The following ZNF704 variants were observed in gnomAD, a reference collection of about 807,000 sequenced individuals.
The protein encoded by ZNF704 is zinc finger protein 704, also known as glucocorticoid induced gene 1.
A neutral mutation model predicts 44.7 loss-of-function variants in ZNF704; 10 were observed. The observed-to-expected ratio is 0.22, with a 90% CI of 0.14 to 0.38. The LOEUF is 0.38. Ranked by LOEUF, ZNF704 falls within the 10% of genes least tolerant of loss-of-function variation. The probability of loss-of-function intolerance (pLI) is 1.00; values close to 1 mark genes in which losing one functional copy is unlikely to be tolerated. For missense variants in ZNF704, 390 were observed against 545.5 expected (o/e 0.71, Z 2.84); for synonymous variants, 211 against 207.6 (o/e 1.02, Z -0.14).
intron 4 of ZNF704, among the ~76,000 whole-genome samples, chr8:80,670,837 T>C (rs1818266856): frequency 6.6e-6 from 1 of 152,224 alleles, no homozygotes; most frequent in African/African-American, 2.4e-5. Context: ...TTTCAGATCA[T>C]GTTCATGAAG....
intron 2 of ZNF704, among the ~76,000 whole-genome samples, chr8:80,817,678 C>T (rs918368004): frequency 5.3e-5 from 8 of 152,152 alleles, no homozygotes; most frequent in African/African-American, 1.7e-4. Context: ...AATTGGTTCT[C>T]AAATATTGGG....
At chr8:80,811,670 C>A (rs1808085016) in intron 2 of ZNF704, among the ~76,000 whole-genome samples, 1 of 152,222 alleles carries the variant, frequency 6.6e-6, no homozygotes, top group African/African-American at 2.4e-5. Context: ...CAAAAAAAGG[C>A]ACTGTACAGT....
At chr8:80,847,657 C>A (rs556658267) in intron 1 of ZNF704, among the ~76,000 whole-genome samples, 211 of 152,096 alleles carry the variant, frequency 1.4e-3, no homozygotes, top group Non-Finnish European at 2.5e-3. Flanking sequence ...TAGAAATAGA[C>A]CCACACAAAT....
intron 2 of ZNF704, among the ~76,000 whole-genome samples, chr8:80,797,343 T>C (rs951385685): frequency 1.3e-5 from 2 of 152,178 alleles, no homozygotes; most frequent in African/African-American, 4.8e-5. Context: ...CTGCTTGGCA[T>C]TGCCCTAGTA....
intron 2 of ZNF704, among the ~76,000 whole-genome samples, chr8:80,728,094 A>T (rs2066951281): frequency 6.6e-6 from 1 of 152,220 alleles, no homozygotes; most frequent in African/African-American, 2.4e-5. Flanking sequence ...TATAGTAATC[A>T]TTATCATTTA....
chr8:80,699,875 G>A (rs150621036), intron 2 of ZNF704, among the ~76,000 whole-genome samples: 18 of 152,014 alleles, frequency 1.2e-4, no homozygotes, highest in African/African-American at 4.8e-5. Context: ...ATTGCAAATT[G>A]ACCCTTGCAT....
At chr8:80,688,958 CAAAAAAAAAA>C (rs57878370) in intron 3 of ZNF704, among the ~76,000 whole-genome samples, 1 of 71,386 alleles carries the variant, frequency 1.4e-5, no homozygotes, top group Non-Finnish European at 3.4e-5. Flanking sequence ...GACTCTGTCT[CAAAAAAAAAA>C]AAAAAAAAAA....
chr8:80,738,517 G>C lies in ZNF704; in HGVS notation c.222-45410C>G, dbSNP rs1806702719. On this transcript the variant is annotated intron_variant, in intron 2 of 8. Transcript: ENST00000327835. The stretch of plus-strand genomic sequence containing the variant: ...AAAAAAGTTAAGTACTGTACCCAAG[G>C]TGACACAGCTAGCGAGACTTGGCAT... 2.0e-5 allele frequency among the ~76,000 whole-genome samples: 3 copies of C among 151,722 alleles called. No homozygotes were observed. In the South Asian group the frequency reaches 6.2e-4, roughly 31 times the overall value.
chr8:80,647,487 T>C (rs939780379), intron 7 of ZNF704, among the ~76,000 whole-genome samples: 3 of 152,224 alleles, frequency 2.0e-5, no homozygotes. Flanking sequence ...TGATTAATGC[T>C]TTAAACAGAT....
intron 1 of ZNF704, among the ~76,000 whole-genome samples, chr8:80,870,787 C>T (rs954461985): frequency 1.3e-5 from 2 of 152,066 alleles, no homozygotes; most frequent in Non-Finnish European, 2.9e-5. Context: ...ATACTGATGT[C>T]GCTCAAATTC....
At chr8:80,830,848 C>G (rs1808460417) in intron 1 of ZNF704, among the ~76,000 whole-genome samples, 1 of 149,748 alleles carries the variant, frequency 6.7e-6, no homozygotes, top group Admixed American at 6.7e-5. Flanking sequence ...CCCTCTGCCT[C>G]CCAGGTTCAA....
rs763569236 is a variant in ZNF704, at chr8:80,630,406, C to T, written c.*10960G>A. 2.0e-5 allele frequency: 3 copies of T among 152,220 alleles called. No homozygotes were observed. The highest frequency in any genetic ancestry group is 2.9e-5 in the Non-Finnish European group (2 of 68,040). 9.4% of individuals were successfully genotyped at this position (152,220 alleles called of 1,614,324 possible). The stretch of plus-strand genomic sequence containing the variant: ...TTTTCTCTTCATTCTTTCTCCTTTA[C>T]TTGTTTAGCAGGCACTAAAAAGCAA... On this transcript the variant is annotated 3_prime_UTR_variant, in exon 9 of 9. Transcript: ENST00000327835.
At chr8:80,777,226 C>T (rs980435992) in intron 2 of ZNF704, among the ~76,000 whole-genome samples, 1 of 152,084 alleles carries the variant, frequency 6.6e-6, no homozygotes, top group Non-Finnish European at 1.5e-5. Flanking sequence ...CCTTTGGCTG[C>T]TTATTTCACT....
chr8:80,842,482 C>T (rs571429369), intron 1 of ZNF704, among the ~76,000 whole-genome samples: 1 of 152,132 alleles, frequency 6.6e-6, no homozygotes, highest in South Asian at 2.1e-4. Flanking sequence ...TAAAAGGGAT[C>T]GCACACACAG....
Position 80,649,926 on chromosome 8 carries a change from C to G in ZNF704, c.1033-6797G>C, listed in dbSNP as rs188217347. On this transcript the variant is annotated intron_variant, in intron 7 of 8. Coordinates refer to ENST00000327835, the MANE Select transcript of ZNF704 (RefSeq NM_001033723.3). ...GGAGGCATCCCCCAGTAGGGGCAGA[C>G]TGACACCTCACACGGCCGGGTACTT... is the stretch of plus-strand genomic sequence containing the variant. Among the ~76,000 whole-genome samples the G allele has an allele frequency of 4.7e-3, 717 of 152,338 alleles. 7 individuals carry two copies. The highest frequency in any genetic ancestry group is 0.016 in the African/African-American group (670 of 41,584).
At chr8:80,705,776 G>C (rs1818887037) in intron 2 of ZNF704, among the ~76,000 whole-genome samples, 1 of 152,120 alleles carries the variant, frequency 6.6e-6, no homozygotes, top group African/African-American at 2.4e-5. Flanking sequence ...CTAGCTCTCT[G>C]GGATGGCAAA....
intron 2 of ZNF704, among the ~76,000 whole-genome samples, chr8:80,702,037 G>A (rs962764238): frequency 2.6e-5 from 4 of 152,214 alleles, no homozygotes; most frequent in African/African-American, 7.2e-5. Context: ...AGCTAGTAGG[G>A]ATGAATAGGT....
At chr8:80,692,027 T>C (rs1160824340) in intron 3 of ZNF704, among the ~76,000 whole-genome samples, 3 of 152,194 alleles carry the variant, frequency 2.0e-5, no homozygotes, top group East Asian at 1.9e-4. Flanking sequence ...GATCTTTTTT[T>C]TTCCTTTGGC....
intron 4 of ZNF704, among the ~76,000 whole-genome samples, chr8:80,675,484 T>TA (rs1661218491): frequency 6.7e-6 from 1 of 150,262 alleles, no homozygotes; most frequent in Non-Finnish European, 1.5e-5. Context: ...TTTTTTTTTT[T>TA]AATATTACTC....
Sources: gnomAD v4.1 joint callset for allele counts (sites outside exome capture counted in the v4.1 genomes callset) on GRCh38, gnomAD v4.1.1 for gene constraint, MANE v1.5 for transcripts, NCBI Gene and HGNC (gene_info 2026-07-23, HGNC 2026-07-21) for gene names.